CGNL1: variants seen among roughly 807,000 people sequenced by gnomAD.
The protein encoded by CGNL1 is cingulin-like protein 1.
Under a neutral mutation model 141.2 loss-of-function variants are expected in CGNL1, and 132 were observed. The ratio of observed to expected loss-of-function variants is 0.93; its 90% CI spans 0.81 to 1.08. The LOEUF (loss-of-function observed/expected upper bound fraction) is 1.08. Among genes scored for constraint, CGNL1 ranks in the 50% least tolerant of loss-of-function variants. The probability of loss-of-function intolerance (pLI) is 0.00; values close to 1 mark genes in which losing one functional copy is unlikely to be tolerated. For synonymous variants in CGNL1, 690 were observed against 622.1 expected (o/e 1.11, Z -1.63); for missense variants, 1,870 against 1,588.6 (o/e 1.18, Z -3.01).
At chr15:57,459,481 G>T (rs1311293814) in intron 7 of CGNL1, among the ~76,000 whole-genome samples, 3 of 152,180 alleles carry the variant, frequency 2.0e-5, no homozygotes, top group African/African-American at 7.2e-5. Context: ...CCTCTTGGAG[G>T]AGGTCTTACC....
At chr15:57,414,205 T>TG (rs2062823986) in intron 1 of CGNL1, among the ~76,000 whole-genome samples, 1 of 152,192 alleles carries the variant, frequency 6.6e-6, no homozygotes, top group African/African-American at 2.4e-5. Context: ...AGGGGGCTGC[T>TG]GGGCTGGTGG....
At chr15:57,545,969 T>TG in intron 17 of CGNL1, 107 bp from the exon 18 acceptor site, 2 of 1,273,746 alleles carry the variant, frequency 1.6e-6, no homozygotes, top group Admixed American at 4.5e-5. Context: ...GCTGCCCCAT[T>TG]GCCCATGTCT....
intron 1 of CGNL1, among the ~76,000 whole-genome samples, chr15:57,416,999 C>T (rs1169558959): frequency 6.6e-6 from 1 of 152,168 alleles, no homozygotes; most frequent in African/African-American, 2.4e-5. Flanking sequence ...TGATTCTGCT[C>T]TATCTGGGTG....
intron 8 of CGNL1, among the ~76,000 whole-genome samples, chr15:57,499,621 G>A (rs1188877373): frequency 2.0e-5 from 3 of 152,186 alleles, no homozygotes; most frequent in Non-Finnish European, 2.9e-5. Context: ...GAAAGGACTC[G>A]ACCACAAGAA....
At chr15:57,496,652 G>A (rs1266132969) in intron 8 of CGNL1, among the ~76,000 whole-genome samples, 6 of 152,102 alleles carry the variant, frequency 3.9e-5, no homozygotes, top group South Asian at 2.1e-4. Context: ...GTGGCCTTTC[G>A]CTAGTAGTTG....
At chr15:57,457,213 C>T (rs747058312) in intron 7 of CGNL1, among the ~76,000 whole-genome samples, 15 of 152,168 alleles carry the variant, frequency 9.9e-5, no homozygotes, top group Admixed American at 2.6e-4. Context: ...TGGTGTCTTC[C>T]TCATTTTGAT....
intron 8 of CGNL1, among the ~76,000 whole-genome samples, chr15:57,505,325 C>A (rs2064086725): frequency 6.6e-6 from 1 of 152,162 alleles, no homozygotes; most frequent in Non-Finnish European, 1.5e-5. Context: ...CGTAACGCCA[C>A]CCTGTTTTTA....
intron 1 of CGNL1, among the ~76,000 whole-genome samples, chr15:57,404,831 G>A (rs12909509): frequency 0.25 from 38,531 of 152,072 alleles, 5,017 homozygotes; most frequent in Middle Eastern, 0.29. Context: ...TGGGAATCAA[G>A]TTCATGTGGA....
At chr15:57,433,000 TAA>T (rs2063062688) in intron 1 of CGNL1, among the ~76,000 whole-genome samples, 2 of 151,284 alleles carry the variant, frequency 1.3e-5, no homozygotes, top group African/African-American at 4.9e-5. Flanking sequence ...ATTTTACTAA[TAA>T]AAGAGGAAAT....
intron 4 of CGNL1, among the ~76,000 whole-genome samples, chr15:57,445,744 C>A (rs900807714): frequency 1.3e-5 from 2 of 152,150 alleles, no homozygotes; most frequent in African/African-American, 2.4e-5. Flanking sequence ...AAGATGCCGC[C>A]GTTTCTAGCT....
intron 8 of CGNL1, among the ~76,000 whole-genome samples, chr15:57,484,641 G>A (rs1306641682): frequency 3.3e-5 from 5 of 152,090 alleles, no homozygotes; most frequent in Admixed American, 1.3e-4. Flanking sequence ...GTGGTTTGCT[G>A]CACCTATCAA....
At chr15:57,403,176 G>A (rs548309116) in intron 1 of CGNL1, among the ~76,000 whole-genome samples, 1 of 152,314 alleles carries the variant, frequency 6.6e-6, no homozygotes, top group East Asian at 1.9e-4. Context: ...TGTCTGCTCA[G>A]TGGCAACCTC....
At position 57,523,497 on chromosome 15, in the gene CGNL1, G is replaced by A. The variant is rs1470758162; in HGVS notation, c.2724G>A (p.Leu908=). The change falls in exon 11 of 19, where the codon CTG becomes CTA. Residue 908 remains leucine (L), a synonymous_variant. Transcript: ENST00000281282. The part of the protein sequence containing the change: ...ENELEAAQGN[L]SQTTQEQKQL... ...TTCCCTGCCATTTGCAGGGAAATCT[G>A]AGTCAGACTACCCAGGAGCAGAAGC... 1 of 1,614,174 alleles carries A rather than the reference G, an allele frequency of 6.2e-7. No homozygotes were observed. Among genetic ancestry groups the A allele is most frequent in the Non-Finnish European group, 8.5e-7 (1 of 1,180,030 alleles).
chr15:57,518,018 A>G (rs2030959744), intron 9 of CGNL1, among the ~76,000 whole-genome samples: 1 of 150,908 alleles, frequency 6.6e-6, no homozygotes, highest in Non-Finnish European at 1.5e-5. Flanking sequence ...AAAATACCCC[A>G]GCTGGGCATG....
At chr15:57,420,833 G>A (rs1457963902) in intron 1 of CGNL1, among the ~76,000 whole-genome samples, 3 of 152,204 alleles carry the variant, frequency 2.0e-5, no homozygotes, top group East Asian at 1.9e-4. Flanking sequence ...GAAAAAGCTT[G>A]TGAACAATTC....
chr15:57,388,833 G>T (rs2062511886), intron 1 of CGNL1, among the ~76,000 whole-genome samples: 1 of 152,210 alleles, frequency 6.6e-6, no homozygotes, highest in Admixed American at 6.5e-5. Context: ...AAGATTGTTG[G>T]AAAGACTTCA....
intron 11 of CGNL1, 140 bp downstream of exon 11, chr15:57,523,781 G>A (rs1228618238): frequency 2.4e-6 from 2 of 839,620 alleles, no homozygotes; most frequent in Non-Finnish European, 3.7e-6. Flanking sequence ...GATCCCAAGA[G>A]GCAGCTCTTT....
chr15:57,394,893 C>G (rs77463312), intron 1 of CGNL1, among the ~76,000 whole-genome samples: 1 of 152,206 alleles, frequency 6.6e-6, no homozygotes, highest in Admixed American at 6.5e-5. Flanking sequence ...GGGAGGCTCA[C>G]TTGAGGTTAG....
At chr15:57,544,625 G>A (rs8029295) in intron 16 of CGNL1, 28 bp downstream of exon 16, 1,555,931 of 1,556,802 alleles carry the variant, frequency 1, 777,533 homozygotes, top group East Asian at 1. Flanking sequence ...ACTGCAGTGC[G>A]GAGGCCCCAG....
Sources: allele counts gnomAD v4.1 joint callset (sites outside exome capture counted in the v4.1 genomes callset), GRCh38; gene constraint gnomAD v4.1.1; transcripts MANE v1.5; gene names NCBI Gene and HGNC (gene_info 2026-07-23, HGNC 2026-07-21).